Variants in SCRG1 observed in about 807,000 individuals in gnomAD.
The protein encoded by SCRG1 is stimulator of chondrogenesis 1, also known as scrapie-responsive protein 1.
Under a neutral mutation model 7.7 loss-of-function variants are expected in SCRG1, and 3 were observed. That is an observed-to-expected ratio of 0.39 (90% CI 0.18 to 1.01). SCRG1 has a LOEUF of 1.01. SCRG1 is among the 50% of genes least tolerant of loss of function. The probability of loss-of-function intolerance (pLI) is 0.36; values close to 1 mark genes in which losing one functional copy is unlikely to be tolerated. For synonymous variants in SCRG1, 46 were observed against 41.2 expected, an observed-to-expected ratio of 1.12 and a Z score of -0.44; for missense variants, 110 against 117.2, an observed-to-expected ratio of 0.94 and a Z score of 0.28.
chr4:173,443,461 A>C, the SCRG1 span, among the ~76,000 whole-genome samples: 1 of 152,258 alleles, frequency 6.6e-6, no homozygotes, highest in Non-Finnish European at 1.5e-5. Context: ...CCTGCCTGTC[A>C]ATAGAAAACA....
At chr4:173,491,849 G>A in the SCRG1 span, among the ~76,000 whole-genome samples, 1 of 152,198 alleles carries the variant, frequency 6.6e-6, no homozygotes, top group African/African-American at 2.4e-5. Context: ...CTAGAACAAG[G>A]CTGGGTGCGG....
At chr4:173,462,165 C>T in the SCRG1 span, among the ~76,000 whole-genome samples, 18 of 152,078 alleles carry the variant, frequency 1.2e-4, no homozygotes, top group African/African-American at 3.6e-4. Flanking sequence ...GAAAACTTCC[C>T]GAACCTATAG....
chr4:173,405,789 T>G (rs1251508914), intron 1 of SCRG1, among the ~76,000 whole-genome samples: 1 of 152,154 alleles, frequency 6.6e-6, no homozygotes, highest in African/African-American at 2.4e-5. Flanking sequence ...TTTTGTGCAC[T>G]TTCTTCCTTT....
the SCRG1 span, among the ~76,000 whole-genome samples, chr4:173,483,692 G>C: frequency 7.0e-3 from 20 of 2,858 alleles, 1 homozygote; most frequent in African/African-American, 8.2e-3. Context: ...ATTATATTGT[G>C]ATATATCATA....
the SCRG1 span, among the ~76,000 whole-genome samples, chr4:173,473,766 C>T: frequency 6.6e-6 from 1 of 152,156 alleles, no homozygotes; most frequent in Non-Finnish European, 1.5e-5. Context: ...AGAGGCCTCA[C>T]TCTGTTGTGC....
chr4:173,431,636 C>T, the SCRG1 span, among the ~76,000 whole-genome samples: 1 of 152,174 alleles, frequency 6.6e-6, no homozygotes, highest in African/African-American at 2.4e-5. Flanking sequence ...ATGCCTTGAA[C>T]CATAGATATT....
At chr4:173,407,871 T>A (rs1463570944), upstream of SCRG1, among the ~76,000 whole-genome samples, 1 of 152,240 alleles carries the variant, frequency 6.6e-6, no homozygotes, top group Non-Finnish European at 1.5e-5. Context: ...ATGGAAGCTG[T>A]TTCTTTTACA....
the SCRG1 span, among the ~76,000 whole-genome samples, chr4:173,444,983 G>T: frequency 1.3e-5 from 2 of 152,054 alleles, no homozygotes; most frequent in African/African-American, 4.8e-5. Context: ...ATTCCTGAAA[G>T]AAGATGTTAA....
chr4:173,502,223 G>C, the SCRG1 span, among the ~76,000 whole-genome samples: 2 of 152,040 alleles, frequency 1.3e-5, no homozygotes, highest in Admixed American at 6.6e-5. This position sits in a 1 kb window ranked among gnomAD's most constrained non-coding sequence, Gnocchi z 4.6. Context: ...GGGGCGGGGA[G>C]GGGTGGGGAA....
the SCRG1 span, among the ~76,000 whole-genome samples, chr4:173,422,166 A>G: frequency 1.3e-5 from 2 of 152,360 alleles, no homozygotes; most frequent in African/African-American, 4.8e-5. Context: ...TGCCATGTTC[A>G]AGGCAAAGTA....
intron 2 of SCRG1, among the ~76,000 whole-genome samples, chr4:173,388,622 G>A (rs2288245): frequency 0.95 from 144,641 of 152,296 alleles, 68,873 homozygotes; most frequent in Non-Finnish European, 0.98. Flanking sequence ...ATATCATGCT[G>A]TCATTTACGA....
At chr4:173,438,872 G>GATA in the SCRG1 span, among the ~76,000 whole-genome samples, 1 of 151,936 alleles carries the variant, frequency 6.6e-6, no homozygotes, top group South Asian at 2.1e-4. Context: ...AATTATCGTA[G>GATA]ATAATAAAAC....
the SCRG1 span, among the ~76,000 whole-genome samples, chr4:173,507,360 C>A: frequency 6.6e-6 from 1 of 152,286 alleles, no homozygotes; most frequent in South Asian, 2.1e-4. The surrounding 1 kb of genome is among the most constrained non-coding windows in gnomAD (Gnocchi z 4.4). Context: ...CAGGCGCCTG[C>A]CACCACGCCC....
intron 1 of SCRG1, among the ~76,000 whole-genome samples, chr4:173,395,382 A>G (rs1300948500): frequency 1.3e-5 from 2 of 152,210 alleles, no homozygotes; most frequent in East Asian, 1.9e-4. Flanking sequence ...TAGAGGTCTT[A>G]TGTTGTCTAA....
the SCRG1 span, among the ~76,000 whole-genome samples, chr4:173,452,828 T>G: frequency 2.0e-5 from 3 of 152,218 alleles, no homozygotes; most frequent in East Asian, 5.8e-4. Flanking sequence ...CTTGTGTACT[T>G]AGAATATATA....
chr4:173,429,613 T>A, the SCRG1 span, among the ~76,000 whole-genome samples: 150,652 of 152,322 alleles, frequency 0.99, 74,519 homozygotes, highest in East Asian at 1. Context: ...ATTTTGAACC[T>A]TGTTCGTGAG....
At chr4:173,410,032 C>T (rs530606359), upstream of SCRG1, among the ~76,000 whole-genome samples, 1 of 152,200 alleles carries the variant, frequency 6.6e-6, no homozygotes, top group South Asian at 2.1e-4. Context: ...GCTAAAGATC[C>T]TCCAGGAGGA....
At chr4:173,408,924 A>G (rs1739978694), upstream of SCRG1, among the ~76,000 whole-genome samples, 1 of 148,448 alleles carries the variant, frequency 6.7e-6, no homozygotes, top group Non-Finnish European at 1.5e-5. Flanking sequence ...ACCCGGAGGC[A>G]GAGCTTGCAG....
chr4:173,487,022 C>A, the SCRG1 span, among the ~76,000 whole-genome samples: 1 of 152,166 alleles, frequency 6.6e-6, no homozygotes, highest in Non-Finnish European at 1.5e-5. Flanking sequence ...CCTGGCTGCA[C>A]ATTCAAATCA....
Sources: gnomAD v4.1 joint callset for allele counts (sites outside exome capture counted in the v4.1 genomes callset) on GRCh38, gnomAD v4.1.1 for gene constraint, Gnocchi (gnomAD v3.1) non-coding constraint, MANE v1.5 for transcripts, NCBI Gene and HGNC (gene_info 2026-07-23, HGNC 2026-07-21) for gene names.